The following XPO6 variants were observed in gnomAD, a reference collection of about 807,000 sequenced individuals.
XPO6 encodes exportin 6, also known as exportin-6.
In XPO6, 3 loss-of-function variants were observed where a neutral mutation model predicts 130.0. The observed-to-expected ratio is 0.02, with a 90% CI of 0.01 to 0.06. XPO6 has a LOEUF of 0.06. Ranked by LOEUF, XPO6 falls within the 10% of genes least tolerant of loss-of-function variation. The probability of loss-of-function intolerance (pLI) is 1.00; values close to 1 mark genes in which losing one functional copy is unlikely to be tolerated. For synonymous variants in XPO6, 524 were observed against 548.9 expected (o/e 0.95, Z 0.63); for missense variants, 970 against 1,393.0 (o/e 0.70, Z 4.83).
At chr16:28,157,994 A>C (rs2043210460) in intron 6 of XPO6, among the ~76,000 whole-genome samples, 1 of 152,188 alleles carries the variant, frequency 6.6e-6, no homozygotes, top group Non-Finnish European at 1.5e-5. Flanking sequence ...GCGGGAGAGG[A>C]TAGGGAATGC....
chr16:28,186,672 A>ATTTTTTTT (rs35690546), intron 1 of XPO6, among the ~76,000 whole-genome samples: 12 of 140,870 alleles, frequency 8.5e-5, no homozygotes, highest in Admixed American at 5.7e-4. Context: ...ATTCAGCCTA[A>ATTTTTTTT]TTTTTTTTTT....
At chr16:28,118,551 G>C (rs2087133946) in intron 14 of XPO6, among the ~76,000 whole-genome samples, 1 of 152,090 alleles carries the variant, frequency 6.6e-6, no homozygotes, top group South Asian at 2.1e-4. Context: ...TGTAGAAATG[G>C]GGTCTATGTT....
At chr16:28,197,354 G>C (rs1490311447) in intron 1 of XPO6, among the ~76,000 whole-genome samples, 3 of 152,118 alleles carry the variant, frequency 2.0e-5, no homozygotes, top group Non-Finnish European at 2.9e-5. Flanking sequence ...ATACATTAAT[G>C]TAAATATAAG....
intron 8 of XPO6, among the ~76,000 whole-genome samples, chr16:28,149,137 C>G (rs2043041074): frequency 6.6e-6 from 1 of 150,546 alleles, no homozygotes; most frequent in African/African-American, 2.4e-5. Context: ...TATACCATCT[C>G]AGGCACAGTT....
intron 7 of XPO6, chr16:28,153,780 C>G: frequency 1.0e-6 from 1 of 985,362 alleles, no homozygotes; most frequent in Non-Finnish European, 1.2e-6. Context: ...AAAAGCAATT[C>G]TGAAGCTCAT....
chr16:28,187,237 C>T (rs2043710102), intron 1 of XPO6, among the ~76,000 whole-genome samples: 1 of 152,198 alleles, frequency 6.6e-6, no homozygotes, highest in African/African-American at 2.4e-5. Context: ...CTAGCCCCAT[C>T]CTGCATTTGC....
chr16:28,113,064 A>T lies in XPO6; in HGVS notation c.2005-14T>A. Reference sequence around the variant, plus strand: ...CTTGTCTTGGACCTGCAGAGGGAAGAGGGCACGTCAGCTCACCACATCCCT... The same window carrying T: ...CTTGTCTTGGACCTGCAGAGGGAAGTGGGCACGTCAGCTCACCACATCCCT... On this transcript the variant is annotated splice_polypyrimidine_tract_variant and intron_variant, in intron 15 of 23. Coordinates refer to ENST00000304658, the MANE Select transcript of XPO6 (RefSeq NM_015171.4). The T allele has an allele frequency of 6.2e-7, 1 of 1,611,118 alleles. No individual in the cohort carries two copies. Among genetic ancestry groups the T allele is most frequent in the Non-Finnish European group, 8.5e-7 (1 of 1,178,110 alleles).
chr16:28,166,943 C>T, intron 5 of XPO6: 9 of 637,214 alleles, frequency 1.4e-5, no homozygotes, highest in Non-Finnish European at 1.8e-5. Flanking sequence ...CTGGTAGCAC[C>T]ACTCTTTCCT....
chr16:28,108,307 T>G (rs890038290), intron 17 of XPO6, among the ~76,000 whole-genome samples: 1 of 152,230 alleles, frequency 6.6e-6, no homozygotes, highest in African/African-American at 2.4e-5. Flanking sequence ...CTGAGATGAC[T>G]TTTGACTCCA....
chr16:28,191,201 T>C, intron 1 of XPO6, among the ~76,000 whole-genome samples: 1 of 152,212 alleles, frequency 6.6e-6, no homozygotes. Flanking sequence ...TTGCATCTAC[T>C]GGTTGGGCAA....
At chr16:28,114,463 C>T (rs1242611395) in intron 15 of XPO6, among the ~76,000 whole-genome samples, 3 of 152,160 alleles carry the variant, frequency 2.0e-5, no homozygotes, top group Non-Finnish European at 4.4e-5. Flanking sequence ...TTTTGTTTCC[C>T]AATGCATATG....
intron 15 of XPO6, among the ~76,000 whole-genome samples, chr16:28,113,987 CA>C (rs369074154): frequency 4.6e-5 from 7 of 151,884 alleles, no homozygotes; most frequent in South Asian, 2.1e-4. Flanking sequence ...ACTAAAACTA[CA>C]AAAAAATTCA....
chr16:28,116,816 G>T (rs2087072821), intron 15 of XPO6, among the ~76,000 whole-genome samples: 1 of 152,180 alleles, frequency 6.6e-6, no homozygotes, highest in Non-Finnish European at 1.5e-5. Context: ...TAACAAAAAA[G>T]TCTGAAATAT....
chr16:28,141,619 T>A (rs1284069546), intron 9 of XPO6, among the ~76,000 whole-genome samples: 1 of 152,148 alleles, frequency 6.6e-6, no homozygotes, highest in Non-Finnish European at 1.5e-5. Flanking sequence ...CAGGAATGGC[T>A]ACAGAACATT....
At chr16:28,183,995 G>A (rs1253203771) in intron 1 of XPO6, among the ~76,000 whole-genome samples, 1 of 152,158 alleles carries the variant, frequency 6.6e-6, no homozygotes, top group Non-Finnish European at 1.5e-5. Context: ...CTCCCGTTTG[G>A]CAACAAAGCC....
chr16:28,117,114 C>T, intron 15 of XPO6: 1 of 583,342 alleles, frequency 1.7e-6, no homozygotes, highest in Non-Finnish European at 2.9e-6. Flanking sequence ...TCATGTGGAA[C>T]TCAGATAACT....
chr16:28,167,113 T>C, intron 5 of XPO6: 1 of 979,520 alleles, frequency 1.0e-6, no homozygotes, highest in Non-Finnish European at 1.2e-6. Flanking sequence ...TCCACTGCTA[T>C]GGCTTCAATA....
chr16:28,170,406 C>A (rs1041901062), intron 4 of XPO6, among the ~76,000 whole-genome samples: 2 of 151,048 alleles, frequency 1.3e-5, no homozygotes, highest in African/African-American at 4.9e-5. Flanking sequence ...AAAATACATT[C>A]TCATCATATT....
chr16:28,154,284 T>C, intron 7 of XPO6: 1 of 917,792 alleles, frequency 1.1e-6, no homozygotes, highest in African/African-American at 2.3e-5. Context: ...AAAAAAGCCA[T>C]GGGCTAAATA....
Sources: gnomAD v4.1 joint callset for allele counts (sites outside exome capture counted in the v4.1 genomes callset) on GRCh38, gnomAD v4.1.1 for gene constraint, MANE v1.5 for transcripts, NCBI Gene and HGNC (gene_info 2026-07-23, HGNC 2026-07-21) for gene names.